Variants in PLXNA4 observed in about 807,000 individuals in gnomAD.
PLXNA4 encodes the protein plexin A4.
A neutral mutation model predicts 191.8 loss-of-function variants in PLXNA4; 44 were observed. That is an observed-to-expected ratio of 0.23 (90% CI 0.18 to 0.29). PLXNA4 has a LOEUF of 0.29. Ranked by LOEUF, PLXNA4 falls within the 10% of genes least tolerant of loss-of-function variation. PLXNA4 has a pLI of 1.00. For missense variants in PLXNA4, 1,800 were observed against 2,488.8 expected (o/e 0.72, Z 5.89); for synonymous variants, 1,082 against 1,009.5 (o/e 1.07, Z -1.36).
chr7:132,302,735 A>G (rs1243018779), intron 3 of PLXNA4, among the ~76,000 whole-genome samples: 3 of 151,882 alleles, frequency 2.0e-5, no homozygotes, highest in African/African-American at 7.3e-5. Context: ...ACAGCCTAGG[A>G]AAGACAGCCC....
In PLXNA4 at chr7:132,437,061, C is replaced by T. The variant is rs183947811; in HGVS notation, c.1371+52231G>A. ...GGGATCATGCCCATGTTGACCTTGG[C>T]CCCAAAACACGGATGGGAAGGAGCA... On this transcript the variant is annotated intron_variant, in intron 3 of 31. Coordinates refer to ENST00000321063, the MANE Select transcript of PLXNA4 (RefSeq NM_020911.2). Among the ~76,000 whole-genome samples, 4 of 152,288 alleles carry T rather than the reference C, an allele frequency of 2.6e-5. No homozygotes were observed. In the East Asian group the frequency reaches 5.8e-4, roughly 22 times the overall value.
chr7:132,624,481 A>C (rs1803331886), intron 2 of PLXNA4, among the ~76,000 whole-genome samples: 1 of 152,186 alleles, frequency 6.6e-6, no homozygotes, highest in African/African-American at 2.4e-5. Flanking sequence ...GCCAGAGGTC[A>C]CATGGGGGTG....
intron 1 of PLXNA4, among the ~76,000 whole-genome samples, chr7:132,516,965 A>G (rs1443708705): frequency 2.0e-5 from 3 of 152,040 alleles, no homozygotes; most frequent in African/African-American, 4.8e-5. Flanking sequence ...TCAAACAAAC[A>G]AACAAACAAA....
At chr7:132,187,756 G>C (rs991710213) in intron 14 of PLXNA4, 149 bp from the exon 15 acceptor site, 2 of 1,388,778 alleles carry the variant, frequency 1.4e-6, no homozygotes, top group Non-Finnish European at 1.9e-6. Flanking sequence ...AGTTCTCTTA[G>C]GCTTGCGTGG....
At chr7:132,378,593 G>A (rs896790072) in intron 3 of PLXNA4, among the ~76,000 whole-genome samples, 1 of 152,172 alleles carries the variant, frequency 6.6e-6, no homozygotes, top group Admixed American at 6.5e-5. Context: ...AAGTTTCATG[G>A]ATAGCAGGCA....
chr7:132,428,298 G>A (rs1795127819), intron 3 of PLXNA4, among the ~76,000 whole-genome samples: 1 of 152,218 alleles, frequency 6.6e-6, no homozygotes, highest in African/African-American at 2.4e-5. Context: ...ACCCACTCAG[G>A]CTGAAATCAG....
chr7:132,215,298 GGA>G (rs370708849), intron 9 of PLXNA4, among the ~76,000 whole-genome samples: 89 of 152,372 alleles, frequency 5.8e-4, no homozygotes, highest in African/African-American at 1.9e-3. Flanking sequence ...CTATGAGACA[GGA>G]GATCTGCCAG....
intron 3 of PLXNA4, chr7:132,385,022 A>C: frequency 7.0e-7 from 1 of 1,432,622 alleles, no homozygotes; most frequent in Non-Finnish European, 9.1e-7. Flanking sequence ...CTAAGCAGAG[A>C]CACATTCTCC....
chr7:132,257,476 G>A (rs2116209199), intron 4 of PLXNA4, among the ~76,000 whole-genome samples: 1 of 152,292 alleles, frequency 6.6e-6, no homozygotes, highest in African/African-American at 2.4e-5. Context: ...GCAGGGGCTG[G>A]TATGTCTGAC....
In PLXNA4 at chr7:132,185,462, G is replaced by C; in HGVS notation, c.2995C>G (p.Arg999Gly). ...TTGCAGACAATGTAGGATGGAGATC[G>C]CCTGGAGGGCAGGAAGACAGAGCAC... is the stretch of plus-strand genomic sequence containing the variant. ...FGKQPCLFHR[R>G]SPSYIVCNTT... Residue 999 changes from arginine to glycine, a missense_variant and splice_region_variant, in exon 16 of 32, where the codon CGA becomes GGA. Arg to Gly is a moderately radical substitution (Grantham distance 125). Coordinates refer to ENST00000321063, the MANE Select transcript of PLXNA4 (RefSeq NM_020911.2). 6.2e-7 allele frequency: 1 copy of C among 1,610,954 alleles called. No individual in the cohort carries two copies.
intron 2 of PLXNA4, among the ~76,000 whole-genome samples, chr7:132,601,824 T>C (rs1360802218): frequency 6.6e-6 from 1 of 152,242 alleles, no homozygotes; most frequent in East Asian, 1.9e-4. Flanking sequence ...ATTGATTCAG[T>C]TGGTACTTGT....
chr7:132,159,872 C>T (rs1230902261), intron 24 of PLXNA4, among the ~76,000 whole-genome samples: 2 of 152,190 alleles, frequency 1.3e-5, no homozygotes, highest in Admixed American at 6.5e-5. Context: ...CTGCACACTT[C>T]ACTCCCTGTC....
intron 10 of PLXNA4, among the ~76,000 whole-genome samples, chr7:132,210,249 T>C (rs942790203): frequency 2.6e-5 from 4 of 152,162 alleles, no homozygotes; most frequent in Non-Finnish European, 5.9e-5. Context: ...AAAGGCAACA[T>C]GGCAGGTGCG....
chr7:132,186,720 A>C (rs967018636), intron 15 of PLXNA4, among the ~76,000 whole-genome samples: 1 of 152,226 alleles, frequency 6.6e-6, no homozygotes, highest in African/African-American at 2.4e-5. Flanking sequence ...TTAACCTCCA[A>C]GCTACCCTTG....
chr7:132,257,335 G>A (rs1224185789), intron 4 of PLXNA4, among the ~76,000 whole-genome samples: 1 of 152,180 alleles, frequency 6.6e-6, no homozygotes, highest in African/African-American at 2.4e-5. Flanking sequence ...TGGCCAACAT[G>A]TTTCCCTCAC....
At chr7:132,446,988 C>A (rs181313828) in intron 3 of PLXNA4, among the ~76,000 whole-genome samples, 20 of 152,280 alleles carry the variant, frequency 1.3e-4, no homozygotes, top group Non-Finnish European at 2.5e-4. Flanking sequence ...CATTAGGCAT[C>A]TTTGCCCAGT....
At position 132,147,931 on chromosome 7, in the gene PLXNA4, G is replaced by T; in HGVS notation, c.4833C>A (p.Ser1611=). Residue 1611 remains serine, a synonymous_variant, in exon 27 of 32, where the codon TCC becomes TCA. Coordinates refer to ENST00000321063, the MANE Select transcript of PLXNA4 (RefSeq NM_020911.2). ...QVTAYNAVNN[S]TVSRTSASKY... Reference sequence around the variant, plus strand: ...TACTTGCTGAGGTCCTGGAGACGGTGGAGTTGTTCACTGCGTTATAGGCTG... The same window carrying T: ...TACTTGCTGAGGTCCTGGAGACGGTTGAGTTGTTCACTGCGTTATAGGCTG... 6.2e-7 allele frequency: 1 copy of T among 1,614,114 alleles called. No individual in the cohort carries two copies. The highest frequency in any genetic ancestry group is 8.5e-7 in the Non-Finnish European group (1 of 1,180,028).
At chr7:132,278,727 T>G (rs566868449) in intron 4 of PLXNA4, among the ~76,000 whole-genome samples, 2 of 152,214 alleles carry the variant, frequency 1.3e-5, no homozygotes, top group Non-Finnish European at 2.9e-5. Context: ...TTTAGAAAGA[T>G]AGTAATTAGT....
intron 4 of PLXNA4, among the ~76,000 whole-genome samples, chr7:132,259,366 A>G (rs1281029778): frequency 1.4e-5 from 2 of 141,016 alleles, no homozygotes; most frequent in Non-Finnish European, 3.0e-5. Flanking sequence ...AACCCAGGAG[A>G]CAGAGGTTGC....
Sources: gnomAD v4.1 joint callset for allele counts (sites outside exome capture counted in the v4.1 genomes callset) on GRCh38, gnomAD v4.1.1 for gene constraint, MANE v1.5 for transcripts, NCBI Gene and HGNC (gene_info 2026-07-23, HGNC 2026-07-21) for gene names.